Variants in LYRM4 observed in about 807,000 individuals in gnomAD.
The protein encoded by LYRM4 is LYR motif containing 4, also known as LYR motif-containing protein 4.
Under a neutral mutation model 11.7 loss-of-function variants are expected in LYRM4, and 9 were observed. That is an observed-to-expected ratio of 0.77 (90% CI 0.46 to 1.34). LYRM4 has a LOEUF of 1.34. LYRM4 is among the 40% of genes most tolerant of loss of function. The pLI is 0.00. For synonymous variants in LYRM4, 42 were observed against 40.4 expected, an observed-to-expected ratio of 1.04 and a Z score of -0.15; for missense variants, 133 against 112.5, an observed-to-expected ratio of 1.18 and a Z score of -0.82.
At chr6:5,085,967 T>C in the LYRM4 span, 7 of 1,527,064 alleles carry the variant, frequency 4.6e-6, no homozygotes, top group Non-Finnish European at 4.4e-6. Flanking sequence ...CCCGCCGTGC[T>C]CTCGCGCCTC....
intron 1 of LYRM4, among the ~76,000 whole-genome samples, chr6:5,232,552 T>A (rs1763303198): frequency 6.6e-6 from 1 of 152,228 alleles, no homozygotes; most frequent in Non-Finnish European, 1.5e-5. Flanking sequence ...TGGAGTCTTT[T>A]CCTTTTAAAT....
chr6:5,057,190 C>G, the LYRM4 span, among the ~76,000 whole-genome samples: 5 of 152,202 alleles, frequency 3.3e-5, no homozygotes, highest in Admixed American at 6.5e-5. Context: ...ACCCAACCCC[C>G]CTTTCCCCAA....
chr6:5,201,644 C>T (rs578227296), intron 2 of LYRM4, among the ~76,000 whole-genome samples: 1 of 152,254 alleles, frequency 6.6e-6, no homozygotes, highest in South Asian at 2.1e-4. Flanking sequence ...TCTCTGTGCG[C>T]TCCTGAAGAT....
At chr6:5,182,788 T>C (rs1760154811) in intron 2 of LYRM4, among the ~76,000 whole-genome samples, 1 of 152,242 alleles carries the variant, frequency 6.6e-6, no homozygotes, top group Non-Finnish European at 1.5e-5. Context: ...CCTGAATTAC[T>C]AGTTAAATCT....
intron 1 of LYRM4, chr6:5,240,851 G>A (rs1238069142): frequency 2.6e-5 from 4 of 152,232 alleles, no homozygotes; most frequent in African/African-American, 9.6e-5. Context: ...CCTCAATGGC[G>A]GGGGCCCACT....
chr6:5,132,501 C>A (rs1193459571), intron 2 of LYRM4, among the ~76,000 whole-genome samples: 1 of 152,158 alleles, frequency 6.6e-6, no homozygotes, highest in Admixed American at 6.5e-5. Flanking sequence ...AAACGAAAAT[C>A]CCATGCTTTC....
the LYRM4 span, among the ~76,000 whole-genome samples, chr6:5,058,629 AC>A: frequency 2.4e-4 from 36 of 151,448 alleles, no homozygotes; most frequent in African/African-American, 8.7e-4. Context: ...TGTCCAACCT[AC>A]CCCCTCCTCA....
chr6:5,175,712 A>G (rs1321511270), intron 2 of LYRM4, among the ~76,000 whole-genome samples: 2 of 152,172 alleles, frequency 1.3e-5, no homozygotes, highest in East Asian at 3.8e-4. Context: ...CCAAAAAAAT[A>G]TGGCAGAAAT....
intron 2 of LYRM4, among the ~76,000 whole-genome samples, chr6:5,141,273 T>C (rs1757393324): frequency 6.6e-6 from 1 of 152,168 alleles, no homozygotes; most frequent in Non-Finnish European, 1.5e-5. Context: ...TACACTGCCT[T>C]AGGTCACAGG....
chr6:5,260,927 C>A lies in LYRM4; in HGVS notation c.-194G>T. ...CGGCGCCAGGCGTCCCGCGCCGCTT[C>A]GGGGGCGGGCGCAGGCAGGGCTCGG... On this transcript the variant is annotated 5_prime_UTR_variant, in exon 1 of 3. Transcript: ENST00000330636. The A allele has an allele frequency of 7.4e-7, 1 of 1,355,800 alleles. No individual in the cohort carries two copies. Among genetic ancestry groups the A allele is most frequent in the Non-Finnish European group, 9.4e-7 (1 of 1,058,820 alleles). The allele number at this position is 1,355,800 out of a possible 1,614,324, so 84.0% of individuals were successfully genotyped here.
intron 1 of LYRM4, among the ~76,000 whole-genome samples, chr6:5,243,268 T>C (rs887853360): frequency 6.6e-6 from 1 of 152,226 alleles, no homozygotes; most frequent in Non-Finnish European, 1.5e-5. Context: ...GTGACGCTCA[T>C]GCCCGGGGCG....
chr6:5,191,468 TTG>T (rs1760751622), intron 2 of LYRM4, among the ~76,000 whole-genome samples: 3 of 152,106 alleles, frequency 2.0e-5, no homozygotes, highest in Admixed American at 2.0e-4. Context: ...TGAAAATGTG[TTG>T]TGAGAGAGTA....
intron 2 of LYRM4, among the ~76,000 whole-genome samples, chr6:5,202,374 A>G (rs1429340220): frequency 6.6e-6 from 1 of 152,190 alleles, no homozygotes. Context: ...CTCATTGTGC[A>G]GTATGTGGTT....
At chr6:5,124,898 A>C (rs1763632421) in intron 2 of LYRM4, among the ~76,000 whole-genome samples, 1 of 152,114 alleles carries the variant, frequency 6.6e-6, no homozygotes, top group Admixed American at 6.5e-5. Context: ...CACCAGCCAC[A>C]CTGGGTTGTG....
intron 2 of LYRM4, among the ~76,000 whole-genome samples, chr6:5,177,948 C>A (rs1346704042): frequency 1.3e-5 from 2 of 152,140 alleles, no homozygotes; most frequent in African/African-American, 4.8e-5. Context: ...TAAAACATTT[C>A]TGAAAGCCAC....
At chr6:5,035,870 A>G in the LYRM4 span, among the ~76,000 whole-genome samples, 695 of 140,626 alleles carry the variant, frequency 4.9e-3, 7 homozygotes, top group African/African-American at 0.017. Flanking sequence ...ACAATACTTC[A>G]AGATATTTCT....
chr6:5,228,982 C>T (rs568482545), intron 1 of LYRM4, among the ~76,000 whole-genome samples: 7 of 122,820 alleles, frequency 5.7e-5, no homozygotes, highest in East Asian at 2.5e-4. Context: ...CCAGCCTGGG[C>T]GACGGAGCGA....
At chr6:5,142,485 C>A (rs1757461743) in intron 2 of LYRM4, among the ~76,000 whole-genome samples, 1 of 152,156 alleles carries the variant, frequency 6.6e-6, no homozygotes, top group African/African-American at 2.4e-5. Context: ...GAATTCTTGA[C>A]CTATAGAAGT....
chr6:5,257,633 G>C (rs1475010118), intron 1 of LYRM4, among the ~76,000 whole-genome samples: 1 of 152,202 alleles, frequency 6.6e-6, no homozygotes, highest in South Asian at 2.1e-4. Flanking sequence ...TCTCCTGTCA[G>C]ATCAGCGGCG....
Sources: allele counts gnomAD v4.1 joint callset (sites outside exome capture counted in the v4.1 genomes callset), GRCh38; gene constraint gnomAD v4.1.1; transcripts MANE v1.5; gene names NCBI Gene and HGNC (gene_info 2026-07-23, HGNC 2026-07-21).